TRAM1: variants seen among roughly 807,000 people sequenced by gnomAD.
The protein encoded by TRAM1 is translocating chain-associated membrane protein 1.
TRAM1 carries 17 observed loss-of-function variants against 48.7 expected under a neutral mutation model. The observed-to-expected ratio is 0.35, with a 90% confidence interval of 0.24 to 0.52. The LOEUF is 0.52. TRAM1 is among the 20% of genes least tolerant of loss of function. The probability of loss-of-function intolerance (pLI) is 0.94; values close to 1 mark genes in which losing one functional copy is unlikely to be tolerated. For synonymous variants in TRAM1, 182 were observed against 154.0 expected, an observed-to-expected ratio of 1.18 and a Z score of -1.34; for missense variants, 351 against 441.5, an observed-to-expected ratio of 0.79 and a Z score of 1.84.
chr8:70,585,587 C>CA (rs1817194273), intron 8 of TRAM1, among the ~76,000 whole-genome samples: 1 of 113,258 alleles, frequency 8.8e-6, no homozygotes. Context: ...AAGAAAAAAA[C>CA]AACCCCATCA....
At chr8:70,584,029 T>C (rs572259085) in intron 8 of TRAM1, among the ~76,000 whole-genome samples, 1 of 151,846 alleles carries the variant, frequency 6.6e-6, no homozygotes, top group African/African-American at 2.4e-5. Flanking sequence ...AATAAATAAA[T>C]AAATAAAGAA....
intron 2 of TRAM1, 51 bp downstream of exon 2, chr8:70,599,968 G>C (rs907683377): frequency 2.0e-6 from 3 of 1,480,088 alleles, no homozygotes; most frequent in Middle Eastern, 1.9e-4. Flanking sequence ...TTCCAAGTTT[G>C]TTCAACTGAA....
chr8:70,575,906 A>G (rs935785095), intron 10 of TRAM1, among the ~76,000 whole-genome samples: 3 of 151,804 alleles, frequency 2.0e-5, no homozygotes, highest in Non-Finnish European at 2.9e-5. Context: ...GTGAAATGCC[A>G]TCTCTACTAA....
chr8:70,578,305 C>G (rs1161750493), intron 10 of TRAM1, among the ~76,000 whole-genome samples: 2 of 152,158 alleles, frequency 1.3e-5, no homozygotes, highest in Admixed American at 6.5e-5. Flanking sequence ...GACAGAGTTT[C>G]GTCATGTTGC....
intron 1 of TRAM1, among the ~76,000 whole-genome samples, chr8:70,602,379 A>C (rs544203158): frequency 1.3e-5 from 2 of 152,224 alleles, no homozygotes; most frequent in Non-Finnish European, 2.9e-5. Context: ...TGAAGGCAAC[A>C]GGGAAAAGGG....
At chr8:70,577,172 G>A (rs892674074) in intron 10 of TRAM1, among the ~76,000 whole-genome samples, 8 of 152,178 alleles carry the variant, frequency 5.3e-5, no homozygotes, top group Non-Finnish European at 8.8e-5. Flanking sequence ...TGATGAGCAC[G>A]AGAGGGAGGC....
intron 6 of TRAM1, chr8:70,587,426 C>T (rs76722755): frequency 0.01 from 4,232 of 412,968 alleles, 35 homozygotes; most frequent in Non-Finnish European, 0.015. Flanking sequence ...CCCACCCCAC[C>T]GCAATCTCTC....
At chr8:70,604,093 T>C (rs1297296303) in intron 1 of TRAM1, among the ~76,000 whole-genome samples, 1 of 152,210 alleles carries the variant, frequency 6.6e-6, no homozygotes, top group East Asian at 1.9e-4. Flanking sequence ...TACCTGAGTT[T>C]ATGACAGTTT....
chr8:70,576,350 T>C (rs1429878508), intron 10 of TRAM1, among the ~76,000 whole-genome samples: 1 of 152,102 alleles, frequency 6.6e-6, no homozygotes, highest in Non-Finnish European at 1.5e-5. Flanking sequence ...AATGTTGGTT[T>C]TGACTGATGG....
intron 2 of TRAM1, among the ~76,000 whole-genome samples, chr8:70,598,526 G>C (rs1340624325): frequency 6.6e-6 from 1 of 151,948 alleles, no homozygotes; most frequent in Non-Finnish European, 1.5e-5. Context: ...GGAAGAGGAG[G>C]CCACACTCAA....
chr8:70,596,343 T>G, intron 4 of TRAM1, 22 bp from the exon 5 acceptor site: 3 of 1,566,748 alleles, frequency 1.9e-6, no homozygotes, highest in Non-Finnish European at 2.6e-6. Flanking sequence ...GATATAAAAA[T>G]TAACCTGTGA....
intron 2 of TRAM1, 43 bp downstream of exon 2, chr8:70,599,976 G>A (rs1817570920): frequency 6.5e-7 from 1 of 1,537,164 alleles, no homozygotes; most frequent in South Asian, 1.1e-5. Context: ...TTGTTCAACT[G>A]AACTTCTATT....
chr8:70,579,373 G>C (rs923838835), intron 10 of TRAM1, among the ~76,000 whole-genome samples: 6 of 152,206 alleles, frequency 3.9e-5, no homozygotes, highest in Non-Finnish European at 2.9e-5. Flanking sequence ...TATAGGACCA[G>C]TGTCATAAAT....
At chr8:70,585,944 A>G (rs1436519021) in intron 8 of TRAM1, among the ~76,000 whole-genome samples, 1 of 150,400 alleles carries the variant, frequency 6.6e-6, no homozygotes, top group Non-Finnish European at 1.5e-5. Context: ...AAGGATTATA[A>G]ATCATGCTGC....
intron 1 of TRAM1, chr8:70,607,472 C>T (rs990137759): frequency 3.0e-6 from 3 of 985,380 alleles, no homozygotes; most frequent in Non-Finnish European, 3.6e-6. Context: ...CGGTGCCCGG[C>T]GGCCACCGCC....
At chr8:70,596,913 T>TA (rs1285462303) in intron 4 of TRAM1, among the ~76,000 whole-genome samples, 1 of 152,052 alleles carries the variant, frequency 6.6e-6, no homozygotes, top group South Asian at 2.1e-4. Context: ...TATGTTTTTT[T>TA]AAAAAAATGT....
chr8:70,583,343 T>C lies in TRAM1; in HGVS notation c.891-19A>G. The stretch of plus-strand genomic sequence containing the variant: ...AGCGATTCTAAGAAATATTAAGACA[T>C]AAAAAGTTAGTGTATAAAAAACAAT... On this transcript the variant is annotated intron_variant, in intron 9 of 10. Coordinates refer to ENST00000262213, the MANE Select transcript of TRAM1 (RefSeq NM_014294.6). The C allele has an allele frequency of 1.2e-6, 2 of 1,607,282 alleles. No individual in the cohort carries two copies. Among genetic ancestry groups the C allele is most frequent in the East Asian group, 2.2e-5 (1 of 44,702 alleles).
At chr8:70,604,496 G>A (rs1419732825) in intron 1 of TRAM1, among the ~76,000 whole-genome samples, 1 of 152,132 alleles carries the variant, frequency 6.6e-6, no homozygotes, top group African/African-American at 2.4e-5. Flanking sequence ...TCCAGCCAAG[G>A]CAACATAGCA....
At chr8:70,577,851 A>C (rs1232613455) in intron 10 of TRAM1, among the ~76,000 whole-genome samples, 1 of 152,192 alleles carries the variant, frequency 6.6e-6, no homozygotes, top group Non-Finnish European at 1.5e-5. Context: ...CCCCTTGTCC[A>C]GTCATGGGTC....
Sources: gnomAD v4.1 joint callset for allele counts (sites outside exome capture counted in the v4.1 genomes callset) on GRCh38, gnomAD v4.1.1 for gene constraint, MANE v1.5 for transcripts, NCBI Gene and HGNC (gene_info 2026-07-23, HGNC 2026-07-21) for gene names.